The following AFTPH variants were observed in gnomAD, a reference collection of about 807,000 sequenced individuals.
The protein encoded by AFTPH is aftiphilin protein.
In AFTPH, 7 loss-of-function variants were observed where a neutral mutation model predicts 72.5. The ratio of observed to expected loss-of-function variants is 0.10; its 90% CI spans 0.05 to 0.18. The LOEUF (loss-of-function observed/expected upper bound fraction) is 0.18. Ranked by LOEUF, AFTPH falls within the 10% of genes least tolerant of loss-of-function variation. The pLI is 1.00. For synonymous variants in AFTPH, 337 were observed against 370.1 expected, an observed-to-expected ratio of 0.91 and a Z score of 1.03; for missense variants, 979 against 1,060.5, an observed-to-expected ratio of 0.92 and a Z score of 1.07.
intron 5 of AFTPH, among the ~76,000 whole-genome samples, chr2:64,571,953 C>G (rs140288369): frequency 2.6e-5 from 4 of 152,076 alleles, no homozygotes; most frequent in Non-Finnish European, 4.4e-5. Flanking sequence ...TGGTGGCTCA[C>G]GCCTGTAATC....
intron 7 of AFTPH, 54 bp downstream of exon 8, chr2:64,581,327 C>T (rs1445889059): frequency 2.1e-6 from 3 of 1,410,916 alleles, no homozygotes. Flanking sequence ...AGCATGACCA[C>T]ATCACTTGAC....
At chr2:64,589,629 C>T (rs1054381004) in intron 8 of AFTPH, among the ~76,000 whole-genome samples, 2 of 152,124 alleles carry the variant, frequency 1.3e-5, no homozygotes, top group Non-Finnish European at 2.9e-5. Context: ...CATATTGCCT[C>T]TGAAATAAGG....
chr2:64,574,381 C>A (rs896680210), intron 6 of AFTPH, among the ~76,000 whole-genome samples: 6 of 151,828 alleles, frequency 4.0e-5, no homozygotes, highest in Non-Finnish European at 7.4e-5. Context: ...CCATAACCAC[C>A]CTTAGAGATC....
exon 1 of AFTPH, chr2:64,524,366 C>T (rs1669114284): frequency 2.5e-6 from 1 of 402,236 alleles, no homozygotes; most frequent in Non-Finnish European, 4.4e-6. Context: ...GGCGGGGGGT[C>T]TCCGCGGAGG....
exon 2 of AFTPH, chr2:64,552,498 G>A (rs1671110605): frequency 1.2e-6 from 2 of 1,614,126 alleles, no homozygotes; most frequent in East Asian, 4.5e-5. Flanking sequence ...AGACTCAGCT[G>A]ATAATTCAGA....
chr2:64,581,130 C>A, intron 7 of AFTPH, 60 bp from the exon 8 acceptor site: 2 of 1,236,802 alleles, frequency 1.6e-6, no homozygotes, highest in Non-Finnish European at 2.3e-6. Flanking sequence ...ACACATAACC[C>A]CTCCTCCCTT....
At chr2:64,549,303 C>T (rs1406187878) in intron 1 of AFTPH, among the ~76,000 whole-genome samples, 1 of 133,062 alleles carries the variant, frequency 7.5e-6, no homozygotes, top group Non-Finnish European at 1.6e-5. Flanking sequence ...GGCTGTTAGT[C>T]CTCCCTTTTT....
chr2:64,569,541 T>C (rs1448351866), intron 4 of AFTPH, 82 bp from the exon 5 acceptor site: 3 of 1,466,394 alleles, frequency 2.0e-6, no homozygotes, highest in Admixed American at 3.4e-5. Context: ...TAATAACACA[T>C]CTCAAGCATA....
At chr2:64,574,988 A>T (rs1672675103) in intron 6 of AFTPH, among the ~76,000 whole-genome samples, 1 of 152,228 alleles carries the variant, frequency 6.6e-6, no homozygotes, top group Non-Finnish European at 1.5e-5. Context: ...CATACTTGGT[A>T]CATTCACTGA....
chr2:64,540,562 A>G (rs769980068), intron 1 of AFTPH, among the ~76,000 whole-genome samples: 8 of 152,184 alleles, frequency 5.3e-5, no homozygotes, highest in Non-Finnish European at 1.0e-4. Context: ...TTGAAAACCA[A>G]CTTCTCTCAA....
intron 1 of AFTPH, among the ~76,000 whole-genome samples, chr2:64,540,524 TAGA>T (rs1480378122): frequency 6.6e-6 from 1 of 152,172 alleles, no homozygotes; most frequent in African/African-American, 2.4e-5. Flanking sequence ...AAATGTTCGG[TAGA>T]AGAAAAAATT....
At chr2:64,583,791 A>G (rs534464576) in intron 7 of AFTPH, among the ~76,000 whole-genome samples, 3 of 152,294 alleles carry the variant, frequency 2.0e-5, no homozygotes, top group African/African-American at 7.2e-5. Flanking sequence ...GGGAGAGTCA[A>G]TATACATTTT....
chr2:64,568,466 G>A (rs1031997702), intron 3 of AFTPH, among the ~76,000 whole-genome samples: 3 of 151,922 alleles, frequency 2.0e-5, no homozygotes, highest in East Asian at 1.9e-4. Flanking sequence ...ACATTGCCTC[G>A]GGACTTCCCT....
At chr2:64,569,010 G>A in intron 3 of AFTPH, 82 bp from the exon 4 acceptor site, 1 of 1,474,866 alleles carries the variant, frequency 6.8e-7, no homozygotes, top group Admixed American at 1.7e-5. Context: ...TGTGTGTTAT[G>A]TCACAGCCAT....
At chr2:64,566,275 A>C (rs551876452) in intron 2 of AFTPH, among the ~76,000 whole-genome samples, 97 of 147,884 alleles carry the variant, frequency 6.6e-4, no homozygotes, top group Non-Finnish European at 1.1e-3. Context: ...ACCTTTTCCA[A>C]TATCACACAC....
At chr2:64,576,321 A>T (rs1328154940) in intron 6 of AFTPH, among the ~76,000 whole-genome samples, 1 of 152,006 alleles carries the variant, frequency 6.6e-6, no homozygotes, top group Non-Finnish European at 1.5e-5. Flanking sequence ...CACAAGCACA[A>T]TTGTATAATT....
At chr2:64,589,267 A>G (rs1573054284) in intron 8 of AFTPH, among the ~76,000 whole-genome samples, 1 of 152,330 alleles carries the variant, frequency 6.6e-6, no homozygotes, top group East Asian at 1.9e-4. Flanking sequence ...GCAGGTGGAT[A>G]TCCAGTTGTC....
At chr2:64,581,331 A>T (rs1353727476) in intron 7 of AFTPH, 58 bp downstream of exon 8, 10 of 1,403,630 alleles carry the variant, frequency 7.1e-6, no homozygotes, top group Non-Finnish European at 9.7e-6. Flanking sequence ...TGACCACATC[A>T]CTTGACTTTC....
chr2:64,556,215 T>C (rs1671363348), intron 2 of AFTPH, among the ~76,000 whole-genome samples: 1 of 152,174 alleles, frequency 6.6e-6, no homozygotes, highest in East Asian at 1.9e-4. Context: ...CTCGAACTCC[T>C]GACCTCAGGT....
Sources: gnomAD v4.1 joint callset for allele counts (sites outside exome capture counted in the v4.1 genomes callset) on GRCh38, gnomAD v4.1.1 for gene constraint, MANE v1.5 for transcripts, NCBI Gene and HGNC (gene_info 2026-07-23, HGNC 2026-07-21) for gene names.